The following JARID2 variants were observed in gnomAD, a reference collection of about 807,000 sequenced individuals.
The protein encoded by JARID2 is protein Jumonji.
A neutral mutation model predicts 125.6 loss-of-function variants in JARID2; 21 were observed. That is an observed-to-expected ratio of 0.17 (90% CI 0.12 to 0.24). JARID2 has a LOEUF of 0.24. Ranked by LOEUF, JARID2 falls within the 10% of genes least tolerant of loss-of-function variation. The probability of loss-of-function intolerance (pLI) is 1.00; values close to 1 mark genes in which losing one functional copy is unlikely to be tolerated. For synonymous variants in JARID2, 736 were observed against 661.6 expected, an observed-to-expected ratio of 1.11 and a Z score of -1.73; for missense variants, 1,303 against 1,639.6, an observed-to-expected ratio of 0.79 and a Z score of 3.55.
chr6:15,285,405 G>C (rs994371866), intron 1 of JARID2, among the ~76,000 whole-genome samples: 1 of 152,014 alleles, frequency 6.6e-6, no homozygotes, highest in African/African-American at 2.4e-5. Flanking sequence ...GATTACAGGC[G>C]TGAGCCACCG....
chr6:15,514,222 G>A (rs1240744104), intron 16 of JARID2, among the ~76,000 whole-genome samples: 1 of 152,236 alleles, frequency 6.6e-6, no homozygotes, highest in Non-Finnish European at 1.5e-5. Context: ...TCACCAGAGA[G>A]CTGCCCTGAC....
chr6:15,450,773 G>A (rs1767886606), intron 3 of JARID2, among the ~76,000 whole-genome samples: 1 of 152,194 alleles, frequency 6.6e-6, no homozygotes. Context: ...ATATCAAGTT[G>A]ATTGTATGTA....
intron 4 of JARID2, among the ~76,000 whole-genome samples, chr6:15,466,414 T>C (rs1768742253): frequency 6.6e-6 from 1 of 152,248 alleles, no homozygotes; most frequent in South Asian, 2.1e-4. Context: ...AAATTAAGCA[T>C]GGATATTTTT....
At position 15,497,011 on chromosome 6, in the gene JARID2, C is replaced by T. The variant is rs781217563; in HGVS notation, c.1786C>T (p.Arg596Trp). ...MCRVIPPPDW[R>W]PECKLNDEMR... The stretch of plus-strand genomic sequence containing the variant: ...CAGGGTGATCCCCCCTCCGGACTGG[C>T]GGCCCGAGTGCAAGCTCAACGATGA... Residue 596 changes from arginine to tryptophan, a missense_variant, in exon 7 of 18, where the codon CGG becomes TGG. Physicochemically the swap from Arg to Trp is moderately radical, Grantham distance 101. Transcript: ENST00000341776. 1 of 1,613,726 alleles carries T rather than the reference C, an allele frequency of 6.2e-7. No homozygotes were observed. Among genetic ancestry groups the T allele is most frequent in the Non-Finnish European group, 8.5e-7 (1 of 1,179,858 alleles).
chr6:15,302,401 C>G (rs546210222), intron 1 of JARID2, among the ~76,000 whole-genome samples: 1 of 151,200 alleles, frequency 6.6e-6, no homozygotes, highest in African/African-American at 2.4e-5. Context: ...GGCGACAGAG[C>G]GAGACTCTGT....
At chr6:15,300,718 TGTGTGAGAGA>T (rs1253295954) in intron 1 of JARID2, among the ~76,000 whole-genome samples, 3 of 140,524 alleles carry the variant, frequency 2.1e-5, no homozygotes, top group African/African-American at 8.2e-5. Context: ...TGTGTGTGTG[TGTGTGAGAGA>T]GAGAGAGAGA....
At chr6:15,485,773 T>G (rs1769836727) in intron 5 of JARID2, among the ~76,000 whole-genome samples, 1 of 152,218 alleles carries the variant, frequency 6.6e-6, no homozygotes, top group African/African-American at 2.4e-5. Flanking sequence ...GGACAGTATT[T>G]GCAATTTATA....
rs140030848 is a variant in JARID2, at chr6:15,292,109, C to T, written c.45+45525C>T. Among the ~76,000 whole-genome samples, 504 of 152,132 alleles carry T rather than the reference C, an allele frequency of 3.3e-3. 1 individual carries two copies. The highest frequency in any genetic ancestry group is 0.011 in the African/African-American group (476 of 41,502). On this transcript the variant is annotated intron_variant, in intron 1 of 17. Transcript: ENST00000341776. ...TCGGCTCACTGCAAGCTTCGCCTCC[C>T]GGGTTCACGCCATTCTCCTGCCTCA...
intron 7 of JARID2, among the ~76,000 whole-genome samples, chr6:15,500,352 C>T (rs891276460): frequency 9.2e-5 from 14 of 152,152 alleles, no homozygotes; most frequent in Non-Finnish European, 1.9e-4. Flanking sequence ...AAATAGACTT[C>T]CTTTGTGTGA....
intron 1 of JARID2, among the ~76,000 whole-genome samples, chr6:15,369,800 A>G (rs114472967): frequency 1.3e-5 from 2 of 152,296 alleles, no homozygotes; most frequent in African/African-American, 4.8e-5. Flanking sequence ...ACATTTAGCA[A>G]ATGGGAGTGT....
chr6:15,336,526 G>A (rs1581427144), intron 1 of JARID2, among the ~76,000 whole-genome samples: 1 of 152,276 alleles, frequency 6.6e-6, no homozygotes, highest in Non-Finnish European at 1.5e-5. Flanking sequence ...GGGTCTTGTA[G>A]GGAAACCGTT....
chr6:15,463,998 C>A (rs903153463), intron 4 of JARID2, among the ~76,000 whole-genome samples: 2 of 152,042 alleles, frequency 1.3e-5, no homozygotes, highest in African/African-American at 2.4e-5. Flanking sequence ...GAAATAAATG[C>A]TCTTTATATA....
chr6:15,367,129 G>A (rs991207779), intron 1 of JARID2, among the ~76,000 whole-genome samples: 1 of 152,108 alleles, frequency 6.6e-6, no homozygotes, highest in African/African-American at 2.4e-5. Context: ...TAAATGACTT[G>A]ACCACTCTAC....
chr6:15,395,679 C>G (rs565006926), intron 2 of JARID2, among the ~76,000 whole-genome samples: 1 of 151,962 alleles, frequency 6.6e-6, no homozygotes, highest in East Asian at 2.0e-4. Context: ...TGATTACAGG[C>G]ATGAGCCACC....
At chr6:15,381,281 G>A (rs892162774) in intron 2 of JARID2, among the ~76,000 whole-genome samples, 2 of 147,350 alleles carry the variant, frequency 1.4e-5, no homozygotes, top group Non-Finnish European at 3.0e-5. Context: ...TGCGGAGCTT[G>A]CAGTGAGCCA....
chr6:15,400,453 C>T (rs868074233), intron 2 of JARID2, among the ~76,000 whole-genome samples: 1 of 150,018 alleles, frequency 6.7e-6, no homozygotes, highest in African/African-American at 2.5e-5. Context: ...ATTGAAACTG[C>T]GCCCTGGAGT....
chr6:15,252,965 G>A (rs1212176736), intron 1 of JARID2, among the ~76,000 whole-genome samples: 1 of 152,170 alleles, frequency 6.6e-6, no homozygotes, highest in Non-Finnish European at 1.5e-5. Context: ...TAGAAGAAGA[G>A]TGAGCGAGAT....
intron 6 of JARID2, 85 bp from the exon 7 acceptor site, chr6:15,496,047 G>C: frequency 1.8e-6 from 2 of 1,101,348 alleles, no homozygotes; most frequent in South Asian, 1.5e-5. Flanking sequence ...AGCATCCAGG[G>C]TCCTTTCTCA....
intron 3 of JARID2, among the ~76,000 whole-genome samples, chr6:15,447,568 C>T (rs531044004): frequency 6.6e-6 from 1 of 152,192 alleles, no homozygotes; most frequent in African/African-American, 2.4e-5. Flanking sequence ...ACCTCTTCAA[C>T]CCCAGGAACC....
Sources: allele counts gnomAD v4.1 joint callset (sites outside exome capture counted in the v4.1 genomes callset), GRCh38; gene constraint gnomAD v4.1.1; transcripts MANE v1.5; gene names NCBI Gene and HGNC (gene_info 2026-07-23, HGNC 2026-07-21).